The following RAPGEF4 variants were observed in gnomAD, a reference collection of about 807,000 sequenced individuals.
RAPGEF4 encodes RAP guanine-nucleotide-exchange factor (GEF) 4.
A neutral mutation model predicts 147.9 loss-of-function variants in RAPGEF4; 66 were observed. The ratio of observed to expected loss-of-function variants is 0.45; its 90% CI spans 0.37 to 0.55. The LOEUF is 0.55. Ranked by LOEUF, RAPGEF4 falls within the 20% of genes least tolerant of loss-of-function variation. RAPGEF4 has a pLI of 0.00. For missense variants in RAPGEF4, 1,071 were observed against 1,257.3 expected (o/e 0.85, Z 2.24); for synonymous variants, 419 against 442.7 (o/e 0.95, Z 0.67).
chr2:172,882,317 C>T (rs1372126871), intron 4 of RAPGEF4, among the ~76,000 whole-genome samples: 1 of 152,132 alleles, frequency 6.6e-6, no homozygotes, highest in Admixed American at 6.5e-5. Flanking sequence ...AGTCCTGTGT[C>T]CTCTGGGGCC....
intron 6 of RAPGEF4, among the ~76,000 whole-genome samples, chr2:172,932,327 A>G (rs1171381483): frequency 6.6e-6 from 1 of 152,226 alleles, no homozygotes; most frequent in Non-Finnish European, 1.5e-5. Flanking sequence ...TGCTAAATGC[A>G]GCATGGTCTG....
chr2:172,918,531 C>T (rs1201129840), intron 5 of RAPGEF4, among the ~76,000 whole-genome samples: 1 of 151,912 alleles, frequency 6.6e-6, no homozygotes, highest in Non-Finnish European at 1.5e-5. Flanking sequence ...TTAAAACATC[C>T]AGGCCTTTTA....
chr2:172,749,779 G>T (rs528760024), intron 1 of RAPGEF4, among the ~76,000 whole-genome samples: 1 of 152,080 alleles, frequency 6.6e-6, no homozygotes, highest in Admixed American at 6.5e-5. Context: ...GAACTTTTAT[G>T]CTCTGTTTCC....
chr2:172,739,357 G>T (rs1372591026), intron 1 of RAPGEF4, among the ~76,000 whole-genome samples: 3 of 149,558 alleles, frequency 2.0e-5, no homozygotes, highest in Non-Finnish European at 4.5e-5. Context: ...GCTGACCATT[G>T]TTTAAGTTTT....
chr2:172,956,524 C>T (rs1688753601), intron 6 of RAPGEF4, among the ~76,000 whole-genome samples: 1 of 147,582 alleles, frequency 6.8e-6, no homozygotes, highest in African/African-American at 2.5e-5. Flanking sequence ...GGCTGGAGTG[C>T]AGTGGCACGA....
At chr2:172,881,184 A>C (rs1217864651) in intron 4 of RAPGEF4, among the ~76,000 whole-genome samples, 1 of 152,164 alleles carries the variant, frequency 6.6e-6, no homozygotes, top group Non-Finnish European at 1.5e-5. Context: ...CCTTACATTT[A>C]TTAATGGTCA....
At chr2:172,769,257 G>A (rs115472750) in intron 1 of RAPGEF4, among the ~76,000 whole-genome samples, 2,350 of 152,284 alleles carry the variant, frequency 0.015, 25 homozygotes, top group South Asian at 0.036. Context: ...GTATGCATGG[G>A]AGTCACGAAA....
At chr2:172,854,480 G>T (rs1278931850) in intron 4 of RAPGEF4, among the ~76,000 whole-genome samples, 1 of 151,654 alleles carries the variant, frequency 6.6e-6, no homozygotes, top group African/African-American at 2.4e-5. Context: ...GTATATAAAA[G>T]GTATAAAGAA....
chr2:172,937,541 A>G (rs1210238080), intron 6 of RAPGEF4, among the ~76,000 whole-genome samples: 1 of 152,174 alleles, frequency 6.6e-6, no homozygotes, highest in Non-Finnish European at 1.5e-5. Context: ...TATTAGTATG[A>G]CTTATCACTG....
intron 6 of RAPGEF4, among the ~76,000 whole-genome samples, chr2:172,950,026 A>G (rs1012527678): frequency 6.6e-6 from 1 of 152,246 alleles, no homozygotes; most frequent in African/African-American, 2.4e-5. Context: ...GTAAATATGC[A>G]TGCTTGTAAT....
intron 11 of RAPGEF4, among the ~76,000 whole-genome samples, chr2:172,985,134 A>G (rs1255222559): frequency 6.6e-6 from 1 of 152,216 alleles, no homozygotes; most frequent in Non-Finnish European, 1.5e-5. Flanking sequence ...CCACAGCCAA[A>G]GACAGGCAGG....
At chr2:172,754,310 T>A (rs1331222599) in intron 1 of RAPGEF4, among the ~76,000 whole-genome samples, 1 of 152,194 alleles carries the variant, frequency 6.6e-6, no homozygotes, top group Admixed American at 6.5e-5. Context: ...ATCATGTGGC[T>A]TAAGTTTTTC....
At chr2:172,842,189 T>A (rs959555780) in intron 4 of RAPGEF4, among the ~76,000 whole-genome samples, 1 of 152,146 alleles carries the variant, frequency 6.6e-6, no homozygotes, top group East Asian at 1.9e-4. Context: ...GAGGGCACAA[T>A]GATATTAATA....
chr2:172,912,310 A>T (rs1049221639), intron 4 of RAPGEF4, among the ~76,000 whole-genome samples: 1 of 152,246 alleles, frequency 6.6e-6, no homozygotes, highest in African/African-American at 2.4e-5. Context: ...AGACAAAACC[A>T]TACCCATGTG....
chr2:172,764,835 T>C (rs12616130), intron 1 of RAPGEF4, among the ~76,000 whole-genome samples: 11,453 of 152,226 alleles, frequency 0.075, 1,165 homozygotes, highest in East Asian at 0.54. Context: ...CTGGGCAATT[T>C]GGTCAGCCTT....
chr2:172,895,152 T>C (rs1267195624), intron 4 of RAPGEF4, among the ~76,000 whole-genome samples: 2 of 152,212 alleles, frequency 1.3e-5, no homozygotes, highest in African/African-American at 4.8e-5. Context: ...TTTTCATTTA[T>C]CTTTGTTTTT....
At chr2:172,997,077 T>C (rs906257921) in intron 16 of RAPGEF4, among the ~76,000 whole-genome samples, 6 of 152,198 alleles carry the variant, frequency 3.9e-5, no homozygotes, top group South Asian at 2.1e-4. Flanking sequence ...TGTCTTACAG[T>C]TCTAGAGGCT....
chr2:172,888,997 T>A (rs745614378), intron 4 of RAPGEF4, among the ~76,000 whole-genome samples: 1 of 152,150 alleles, frequency 6.6e-6, no homozygotes, highest in Non-Finnish European at 1.5e-5. Context: ...CCTAGACACC[T>A]CTTCACCGAG....
chr2:172,908,594 G>A (rs1462406654), intron 4 of RAPGEF4, among the ~76,000 whole-genome samples: 1 of 152,086 alleles, frequency 6.6e-6, no homozygotes, highest in Non-Finnish European at 1.5e-5. Context: ...TTGTCTGGCT[G>A]GAAGTTTAGA....
Sources: gnomAD v4.1 joint callset for allele counts (sites outside exome capture counted in the v4.1 genomes callset) on GRCh38, gnomAD v4.1.1 for gene constraint, MANE v1.5 for transcripts, NCBI Gene and HGNC (gene_info 2026-07-23, HGNC 2026-07-21) for gene names.